The following PTPRN2 variants were observed in gnomAD, a reference collection of about 807,000 sequenced individuals.
The protein encoded by PTPRN2 is receptor-type tyrosine-protein phosphatase N2.
A neutral mutation model predicts 118.8 loss-of-function variants in PTPRN2; 74 were observed. The observed-to-expected ratio is 0.62, with a 90% CI of 0.52 to 0.76. PTPRN2 has a LOEUF of 0.76. Ranked by LOEUF, PTPRN2 falls within the 30% of genes least tolerant of loss-of-function variation. PTPRN2 has a pLI of 0.00. For synonymous variants in PTPRN2, 641 were observed against 608.0 expected (o/e 1.05, Z -0.80); for missense variants, 1,481 against 1,394.4 (o/e 1.06, Z -0.99).
chr7:157,949,278 T>A (rs954278811), intron 11 of PTPRN2, among the ~76,000 whole-genome samples: 1 of 152,236 alleles, frequency 6.6e-6, no homozygotes, highest in Admixed American at 6.5e-5. Flanking sequence ...AGTTGCACAA[T>A]GTTGTGAATG....
chr7:157,948,523 T>C (rs1800617554), intron 11 of PTPRN2, among the ~76,000 whole-genome samples: 1 of 151,790 alleles, frequency 6.6e-6, no homozygotes, highest in Non-Finnish European at 1.5e-5. Context: ...AAAAAGGCAA[T>C]ATTTGAGGAA....
At chr7:158,245,803 T>C (rs1448738394) in intron 3 of PTPRN2, among the ~76,000 whole-genome samples, 2 of 151,984 alleles carry the variant, frequency 1.3e-5, no homozygotes, top group Non-Finnish European at 2.9e-5. Context: ...ACACAGTAGG[T>C]CGCTTGTGCG....
intron 6 of PTPRN2, among the ~76,000 whole-genome samples, chr7:158,153,424 C>T (rs1325120918): frequency 2.0e-5 from 3 of 152,162 alleles, no homozygotes; most frequent in African/African-American, 7.2e-5. Flanking sequence ...CAAAAGAGCA[C>T]CCTGTAACAC....
At chr7:158,524,643 C>T (rs1286673842) in intron 1 of PTPRN2, among the ~76,000 whole-genome samples, 1 of 152,106 alleles carries the variant, frequency 6.6e-6, no homozygotes, top group African/African-American at 2.4e-5. Flanking sequence ...ATGGATGTCC[C>T]CAGCCCAGTG....
intron 11 of PTPRN2, among the ~76,000 whole-genome samples, chr7:158,007,873 C>T (rs1033533529): frequency 4.2e-5 from 6 of 141,348 alleles, no homozygotes; most frequent in Non-Finnish European, 9.1e-5. Context: ...TGGATGCATG[C>T]ATGTGCACGT....
At chr7:158,303,016 C>T (rs976102085) in intron 3 of PTPRN2, among the ~76,000 whole-genome samples, 7 of 152,098 alleles carry the variant, frequency 4.6e-5, no homozygotes, top group Non-Finnish European at 8.8e-5. Context: ...AAATGTCACA[C>T]TTAGCACTTT....
At position 157,893,987 on chromosome 7, in the gene PTPRN2, C is replaced by T. The variant is rs998742371; in HGVS notation, c.1788+4686G>A. On this transcript the variant is annotated intron_variant, in intron 12 of 22. Coordinates refer to ENST00000389418, the MANE Select transcript of PTPRN2 (RefSeq NM_002847.5). This position sits in a 1 kb window ranked among gnomAD's most constrained non-coding sequence, Gnocchi z 4.0. ...AGAGGAAACAATGGGCCTTATTCCT[C>T]GATACACCTCCAGCTTCACCTGGAA... 4.6e-5 allele frequency among the ~76,000 whole-genome samples: 7 copies of T among 152,070 alleles called. No homozygotes were observed. The highest frequency in any genetic ancestry group is 8.8e-5 in the Non-Finnish European group (6 of 68,016).
chr7:157,756,944 AC>A (rs1801816194), intron 12 of PTPRN2, among the ~76,000 whole-genome samples: 1 of 152,190 alleles, frequency 6.6e-6, no homozygotes. Flanking sequence ...TTTCTGCGAA[AC>A]ATGGACGGAG....
intron 11 of PTPRN2, among the ~76,000 whole-genome samples, chr7:157,899,782 C>G (rs1262668545): frequency 6.6e-6 from 1 of 152,142 alleles, no homozygotes; most frequent in Non-Finnish European, 1.5e-5. Context: ...ATACTATTTT[C>G]TACATATAAC....
Position 157,585,173 on chromosome 7 carries a change from T to C in PTPRN2, c.2497-7033A>G, listed in dbSNP as rs1436879676. Among the ~76,000 whole-genome samples the C allele has an allele frequency of 3.3e-5, 5 of 152,086 alleles. No individual in the cohort carries two copies. The highest frequency in any genetic ancestry group is 9.7e-5 in the African/African-American group (4 of 41,372). ...GAGGGGGCAGCGGGAGGAACCCCCC[T>C]GTGCCGCTATCAGATCGACGCCTGT... On this transcript the variant is annotated intron_variant, in intron 17 of 22. Transcript: ENST00000389418. This position sits in a 1 kb window ranked among gnomAD's most constrained non-coding sequence, Gnocchi z 5.2.
chr7:157,992,332 C>T (rs1265763740), intron 11 of PTPRN2, among the ~76,000 whole-genome samples: 3 of 152,248 alleles, frequency 2.0e-5, no homozygotes, highest in African/African-American at 7.2e-5. Flanking sequence ...GGCCCCGAGT[C>T]TCTCGCTCTC....
chr7:157,553,366 G>T (rs532568395), intron 21 of PTPRN2, among the ~76,000 whole-genome samples: 1 of 152,346 alleles, frequency 6.6e-6, no homozygotes, highest in Admixed American at 6.5e-5. Flanking sequence ...TCTGGCCGGA[G>T]CCATGAAGCC....
At chr7:157,557,979 TC>T (rs1056653061) in intron 21 of PTPRN2, among the ~76,000 whole-genome samples, 42 of 150,954 alleles carry the variant, frequency 2.8e-4, no homozygotes, top group African/African-American at 9.0e-4. Flanking sequence ...CTGGTAAGTT[TC>T]TATCGACTGC....
At chr7:157,559,800 G>A (rs982505316) in intron 21 of PTPRN2, among the ~76,000 whole-genome samples, 2 of 152,142 alleles carry the variant, frequency 1.3e-5, no homozygotes, top group African/African-American at 2.4e-5. Context: ...TCCTGACAGC[G>A]ACACAGCTGC....
intron 17 of PTPRN2, among the ~76,000 whole-genome samples, chr7:157,593,213 C>A (rs1801099579): frequency 6.7e-6 from 1 of 149,350 alleles, no homozygotes; most frequent in South Asian, 2.1e-4. Context: ...GGATGTGGCA[C>A]CTACTGAACC....
chr7:158,009,475 T>C (rs554492904), intron 11 of PTPRN2, among the ~76,000 whole-genome samples: 1 of 152,036 alleles, frequency 6.6e-6, no homozygotes, highest in Admixed American at 6.6e-5. Flanking sequence ...ATGAGAGAAA[T>C]GTTGGTATAT....
Position 157,729,569 on chromosome 7 carries a change from C to T in PTPRN2, c.1789-46632G>A, listed in dbSNP as rs762598933. On this transcript the variant is annotated intron_variant, in intron 12 of 22. Transcript: ENST00000389418. This position sits in a 1 kb window ranked among gnomAD's most constrained non-coding sequence, Gnocchi z 4.3. ...TGGTGAGCCGGACACCATCAAACAACATCAGAGCTTGCAAAAGGAGCTCTG... is the reference window on the plus strand; with the variant it reads ...TGGTGAGCCGGACACCATCAAACAATATCAGAGCTTGCAAAAGGAGCTCTG... 6.6e-6 allele frequency among the ~76,000 whole-genome samples: 1 copy of T among 152,242 alleles called. No individual in the cohort carries two copies. Among genetic ancestry groups the T allele is most frequent in the Non-Finnish European group, 1.5e-5 (1 of 68,046 alleles).
intron 12 of PTPRN2, among the ~76,000 whole-genome samples, chr7:157,715,245 G>C (rs937957151): frequency 2.0e-5 from 3 of 152,220 alleles, no homozygotes; most frequent in Non-Finnish European, 4.4e-5. Flanking sequence ...CGCCCAAGAG[G>C]AGGGTCGTGG....
intron 12 of PTPRN2, among the ~76,000 whole-genome samples, chr7:157,816,038 G>A (rs760853412): frequency 3.3e-5 from 5 of 152,158 alleles, no homozygotes; most frequent in African/African-American, 7.2e-5. Context: ...TACAGATCAC[G>A]CCCTCTCGCT....
Sources: allele counts gnomAD v4.1 joint callset (sites outside exome capture counted in the v4.1 genomes callset), GRCh38; gene constraint gnomAD v4.1.1; non-coding constraint Gnocchi (gnomAD v3.1); transcripts MANE v1.5; gene names NCBI Gene and HGNC (gene_info 2026-07-23, HGNC 2026-07-21).